Variants in MSRA observed in about 807,000 individuals in gnomAD.
MSRA encodes methionine sulfoxide reductase A, also known as mitochondrial peptide methionine sulfoxide reductase.
Under a neutral mutation model 31.3 loss-of-function variants are expected in MSRA, and 54 were observed. The observed-to-expected ratio is 1.73, with a 90% CI of 1.39 to 2.17. The LOEUF (loss-of-function observed/expected upper bound fraction) is 2.17, where lower values mean the gene tolerates loss of function less well. Ranked by LOEUF, MSRA falls within the 30% of genes most tolerant of loss-of-function variation. The pLI, the probability that MSRA is intolerant of heterozygous loss-of-function variation, is 0.00. For missense variants in MSRA, 507 were observed against 300.9 expected (o/e 1.69, Z -5.07); for synonymous variants, 169 against 116.5 (o/e 1.45, Z -2.90).
intron 3 of MSRA, among the ~76,000 whole-genome samples, chr8:10,277,260 A>G (rs1228398207): frequency 6.6e-6 from 1 of 152,206 alleles, no homozygotes. Flanking sequence ...ATGAAAGTAC[A>G]TGTCCAGGTA....
At chr8:10,313,252 A>G (rs4329276) in intron 4 of MSRA, among the ~76,000 whole-genome samples, 38,216 of 152,118 alleles carry the variant, frequency 0.25, 5,887 homozygotes, top group East Asian at 0.66. Flanking sequence ...TGCTAATGCC[A>G]AGGGAAACCT....
chr8:10,417,121 G>T (rs1020443410), intron 5 of MSRA, among the ~76,000 whole-genome samples: 1 of 152,312 alleles, frequency 6.6e-6, no homozygotes, highest in South Asian at 2.1e-4. Context: ...GCATAAGCAG[G>T]TCTCTTAATG....
At chr8:10,142,009 A>G (rs1410387324) in intron 1 of MSRA, among the ~76,000 whole-genome samples, 2 of 152,096 alleles carry the variant, frequency 1.3e-5, no homozygotes, top group Non-Finnish European at 2.9e-5. Flanking sequence ...CCCAGTCTGG[A>G]GTGCAATGGC....
intron 1 of MSRA, among the ~76,000 whole-genome samples, chr8:10,164,495 C>T (rs1403826662): frequency 2.0e-5 from 3 of 152,106 alleles, no homozygotes; most frequent in African/African-American, 4.8e-5. Flanking sequence ...CCCCTTCCTT[C>T]CTCTCTAGGA....
intron 5 of MSRA, among the ~76,000 whole-genome samples, chr8:10,413,428 A>C (rs527326556): frequency 2.0e-5 from 3 of 152,374 alleles, no homozygotes; most frequent in East Asian, 3.9e-4. Context: ...AAGCAACACC[A>C]CACTGTGGGG....
intron 3 of MSRA, among the ~76,000 whole-genome samples, chr8:10,261,622 T>C (rs1798488783): frequency 6.6e-6 from 1 of 152,206 alleles, no homozygotes; most frequent in Non-Finnish European, 1.5e-5. Flanking sequence ...GTTCCAATGT[T>C]ACCGCCTGCC....
intron 1 of MSRA, among the ~76,000 whole-genome samples, chr8:10,130,750 A>T (rs937699800): frequency 6.6e-6 from 1 of 152,182 alleles, no homozygotes; most frequent in Non-Finnish European, 1.5e-5. Context: ...AGCAAATGAC[A>T]ATTCTGGCGG....
intron 5 of MSRA, among the ~76,000 whole-genome samples, chr8:10,362,377 C>T (rs1239383402): frequency 1.3e-5 from 2 of 149,978 alleles, no homozygotes; most frequent in African/African-American, 4.9e-5. Flanking sequence ...CTTTCTCCTC[C>T]TGCATTGTTG....
chr8:10,153,755 T>C (rs991098705), intron 1 of MSRA, among the ~76,000 whole-genome samples: 5 of 152,190 alleles, frequency 3.3e-5, no homozygotes, highest in African/African-American at 9.7e-5. Flanking sequence ...TTAAGAAATA[T>C]GTTCGAGGAG....
chr8:10,068,971 C>T (rs966496435), intron 1 of MSRA, among the ~76,000 whole-genome samples: 1 of 152,090 alleles, frequency 6.6e-6, no homozygotes, highest in African/African-American at 2.4e-5. Flanking sequence ...GATTTTTAGT[C>T]TTGTTCTTAG....
intron 5 of MSRA, among the ~76,000 whole-genome samples, chr8:10,348,316 G>GCCA (rs1554535192): frequency 6.7e-6 from 1 of 149,136 alleles, no homozygotes; most frequent in Non-Finnish European, 1.5e-5. Flanking sequence ...CAGCAGCATG[G>GCCA]CCAAATGCCT....
At position 10,224,953 on chromosome 8, in the gene MSRA, G is replaced by A. The variant is rs1177139412; in HGVS notation, c.211+17052G>A. ...CAGGAGTTCAAGACCAGCCTGGCCA[G>A]CATGGCAAAACCCATCTCTACTATA... On this transcript the variant is annotated intron_variant, in intron 2 of 5. Transcript: ENST00000317173. Among the ~76,000 whole-genome samples, 3 of 152,150 alleles carry A rather than the reference G, an allele frequency of 2.0e-5. No individual in the cohort carries two copies. In the South Asian group the frequency reaches 6.2e-4, roughly 32 times the overall value.
At chr8:10,182,640 G>A (rs550807246) in intron 1 of MSRA, among the ~76,000 whole-genome samples, 10 of 152,230 alleles carry the variant, frequency 6.6e-5, no homozygotes, top group East Asian at 1.9e-4. Context: ...ACAAGCATGC[G>A]GTGTGTGATC....
chr8:10,242,848 G>A (rs534867030), intron 2 of MSRA, among the ~76,000 whole-genome samples: 22 of 152,166 alleles, frequency 1.4e-4, no homozygotes, highest in African/African-American at 5.3e-4. Flanking sequence ...TGTGTCCTAA[G>A]TCACATTCCT....
chr8:10,353,354 T>C (rs1010728694), intron 5 of MSRA, among the ~76,000 whole-genome samples: 1 of 152,214 alleles, frequency 6.6e-6, no homozygotes, highest in East Asian at 1.9e-4. Flanking sequence ...AAGAAATTGC[T>C]ACGCTGATCT....
At chr8:10,054,960 G>T (rs898435629) in intron 1 of MSRA, among the ~76,000 whole-genome samples, 47 of 152,220 alleles carry the variant, frequency 3.1e-4, no homozygotes, top group Non-Finnish European at 1.5e-4. Flanking sequence ...CAAGTTTTGG[G>T]CAGGAAATGT....
At chr8:10,237,571 A>G (rs922542969) in intron 2 of MSRA, among the ~76,000 whole-genome samples, 1 of 152,240 alleles carries the variant, frequency 6.6e-6, no homozygotes, top group Admixed American at 6.5e-5. Flanking sequence ...CAAGAGTAAC[A>G]AAGAAAAATT....
intron 4 of MSRA, among the ~76,000 whole-genome samples, chr8:10,311,091 A>G (rs928414195): frequency 2.0e-5 from 3 of 152,218 alleles, no homozygotes; most frequent in Non-Finnish European, 4.4e-5. Flanking sequence ...CACATAAAAG[A>G]GTACTGAATT....
chr8:10,065,175 G>T (rs959765682), intron 1 of MSRA, among the ~76,000 whole-genome samples: 1 of 152,120 alleles, frequency 6.6e-6, no homozygotes, highest in East Asian at 1.9e-4. Flanking sequence ...ACCCCGAGAT[G>T]TGTGCATCAG....
Sources: allele counts gnomAD v4.1 joint callset (sites outside exome capture counted in the v4.1 genomes callset), GRCh38; gene constraint gnomAD v4.1.1; transcripts MANE v1.5; gene names NCBI Gene and HGNC (gene_info 2026-07-23, HGNC 2026-07-21).